The following NCALD variants were observed in gnomAD, a reference collection of about 807,000 sequenced individuals.
NCALD encodes neurocalcin-delta.
A neutral mutation model predicts 18.6 loss-of-function variants in NCALD; 10 were observed. That is an observed-to-expected ratio of 0.54 (90% CI 0.33 to 0.91). NCALD has a LOEUF of 0.91. NCALD is among the 40% of genes least tolerant of loss of function. NCALD has a pLI of 0.03. For synonymous variants in NCALD, 88 were observed against 87.4 expected (o/e 1.01, Z -0.04); for missense variants, 184 against 247.6 (o/e 0.74, Z 1.72).
At chr8:102,028,932 T>C (rs1822565248) in intron 1 of NCALD, 3 of 152,042 alleles carry the variant, frequency 2.0e-5, no homozygotes, top group Admixed American at 6.5e-5. Context: ...CCCAGAGTGG[T>C]GACAAACACA....
intron 1 of NCALD, among the ~76,000 whole-genome samples, chr8:102,028,749 T>C (rs1434754751): frequency 6.6e-6 from 1 of 152,168 alleles, no homozygotes; most frequent in Non-Finnish European, 1.5e-5. Flanking sequence ...AAGTAAAAGA[T>C]GAGTATGATG....
intron 1 of NCALD, among the ~76,000 whole-genome samples, chr8:101,768,046 G>A (rs1811422346): frequency 6.6e-6 from 1 of 152,188 alleles, no homozygotes. Context: ...AGAAATTGAG[G>A]CATAATTAAA....
At position 102,107,195 on chromosome 8, in the gene NCALD, CATATATATATATATATATAT is replaced by C. The variant is rs67447416; in HGVS notation, c.-210+17022_-210+17041del. Among the ~76,000 whole-genome samples the C allele has an allele frequency of 8.1e-4, 72 of 89,300 alleles. 1 individual carries two copies. Among genetic ancestry groups the C allele is most frequent in the African/African-American group, 1.3e-3 (29 of 23,026 alleles). The allele number at this position is 89,300 out of a possible 152,430, so 58.6% of individuals were successfully genotyped here. On this transcript the variant is annotated intron_variant, in intron 1 of 6. Coordinates refer to the NCALD transcript ENST00000311028. ...TATCTACAGCCTATATATGTGTGTA[CATATATATATATATATATAT>C]ATATATATATATATATATATATATA...
intron 1 of NCALD, among the ~76,000 whole-genome samples, chr8:102,024,390 GA>G: frequency 6.6e-6 from 1 of 152,162 alleles, no homozygotes; most frequent in Non-Finnish European, 1.5e-5. Flanking sequence ...TATTCAGAGA[GA>G]ACTTCTTCAA....
rs142890065 is a variant in NCALD, at chr8:101,805,350, G to T, written c.-20+81791C>A. 5.7e-3 allele frequency among the ~76,000 whole-genome samples: 869 copies of T among 152,242 alleles called. 11 individuals are homozygous for T. The highest frequency in any genetic ancestry group is 0.018 in the African/African-American group (763 of 41,530). On this transcript the variant is annotated intron_variant, in intron 4 of 6. Coordinates refer to the NCALD transcript ENST00000311028. The stretch of plus-strand genomic sequence containing the variant: ...TATAATTATCTCCTTGGAAAGGTAG[G>T]ACACCAGCCTTTCTTCAGCTCTAAG...
intron 2 of NCALD, among the ~76,000 whole-genome samples, chr8:101,713,751 T>G (rs1179005988): frequency 6.6e-6 from 1 of 152,110 alleles, no homozygotes; most frequent in Non-Finnish European, 1.5e-5. Context: ...AATCCCTGAA[T>G]AGACGAATAA....
chr8:101,824,847 C>T (rs1428523906), intron 4 of NCALD, among the ~76,000 whole-genome samples: 2 of 152,144 alleles, frequency 1.3e-5, no homozygotes, highest in Non-Finnish European at 2.9e-5. Flanking sequence ...GGCAGGCAAA[C>T]AGAGGCCATC....
At chr8:101,757,328 C>T (rs578005878) in intron 1 of NCALD, among the ~76,000 whole-genome samples, 21 of 152,318 alleles carry the variant, frequency 1.4e-4, no homozygotes, top group African/African-American at 4.8e-4. Context: ...CTATGGCAAG[C>T]CATGAGAATA....
chr8:101,903,638 C>T (rs1429928536), intron 3 of NCALD, among the ~76,000 whole-genome samples: 2 of 152,160 alleles, frequency 1.3e-5, no homozygotes, highest in African/African-American at 4.8e-5. Flanking sequence ...ACTCCTCCAC[C>T]TCCTCCCTGA....
chr8:102,001,463 T>C (rs924565949), intron 2 of NCALD, among the ~76,000 whole-genome samples: 5 of 152,196 alleles, frequency 3.3e-5, no homozygotes, highest in African/African-American at 1.2e-4. Flanking sequence ...CAGGATATTG[T>C]CCAGGAGAAC....
chr8:101,757,321 T>A lies in NCALD; in HGVS notation c.-20+33541A>T, dbSNP rs79608412. On this transcript the variant is annotated intron_variant, in intron 1 of 3. Transcript: ENST00000220931. ...AAGTAACTGAACATTCAAGGTGCTA[T>A]GGCAAGCCATGAGAATACTAGGTAA... is the stretch of plus-strand genomic sequence containing the variant. 8.8e-3 allele frequency among the ~76,000 whole-genome samples: 1,345 copies of A among 152,336 alleles called. 20 individuals are homozygous for A. The highest frequency in any genetic ancestry group is 0.03 in the African/African-American group (1,248 of 41,576).
chr8:101,969,354 A>G (rs4734043), intron 2 of NCALD, among the ~76,000 whole-genome samples: 56,173 of 152,008 alleles, frequency 0.37, 10,703 homozygotes, highest in South Asian at 0.44. Flanking sequence ...GTGGGTTTCT[A>G]TTATTCAAGA....
chr8:101,944,793 C>T (rs951369141), intron 2 of NCALD, among the ~76,000 whole-genome samples: 4 of 152,214 alleles, frequency 2.6e-5, no homozygotes, highest in African/African-American at 9.6e-5. Context: ...TTCTCCCAGG[C>T]TCCAGCATTT....
chr8:101,896,628 C>T (rs1211367969), intron 3 of NCALD, among the ~76,000 whole-genome samples: 13 of 151,888 alleles, frequency 8.6e-5, no homozygotes, highest in African/African-American at 2.9e-4. Flanking sequence ...TGACAAAGGG[C>T]TAATATCCAG....
intron 1 of NCALD, among the ~76,000 whole-genome samples, chr8:102,025,071 CCT>C (rs1238498956): frequency 3.3e-5 from 5 of 152,260 alleles, no homozygotes; most frequent in African/African-American, 1.2e-4. Context: ...CTGTCCCCTG[CCT>C]CTCTCTCAAC....
intron 3 of NCALD, among the ~76,000 whole-genome samples, chr8:101,914,048 C>T (rs545483081): frequency 6.6e-6 from 1 of 152,288 alleles, no homozygotes; most frequent in Middle Eastern, 3.4e-3. Context: ...AATGTTGATA[C>T]ATTATTGTGA....
chr8:101,770,355 T>C (rs138264243), intron 1 of NCALD, among the ~76,000 whole-genome samples: 2 of 152,330 alleles, frequency 1.3e-5, no homozygotes, highest in Non-Finnish European at 2.9e-5. Flanking sequence ...TAAAGAAATG[T>C]CAGCAAGAGA....
chr8:101,728,966 C>T (rs1816695240), intron 1 of NCALD, among the ~76,000 whole-genome samples: 1 of 152,166 alleles, frequency 6.6e-6, no homozygotes, highest in Admixed American at 6.5e-5. Flanking sequence ...AAAAAATGTT[C>T]TTAAAATATA....
chr8:102,011,825 T>C (rs575229956), intron 2 of NCALD, among the ~76,000 whole-genome samples: 1 of 152,326 alleles, frequency 6.6e-6, no homozygotes, highest in African/African-American at 2.4e-5. Context: ...TCATCCTTCC[T>C]GTTAGTTAAA....
Sources: allele counts gnomAD v4.1 joint callset (sites outside exome capture counted in the v4.1 genomes callset), GRCh38; gene constraint gnomAD v4.1.1; transcripts MANE v1.5; gene names NCBI Gene and HGNC (gene_info 2026-07-23, HGNC 2026-07-21).